Variants in MTUS2 observed in about 807,000 individuals in gnomAD.
The protein encoded by MTUS2 is microtubule-associated tumor suppressor candidate 2.
A neutral mutation model predicts 114.1 loss-of-function variants in MTUS2; 40 were observed. The observed-to-expected ratio is 0.35, with a 90% CI of 0.27 to 0.46. The LOEUF is 0.46. Ranked by LOEUF, MTUS2 falls within the 20% of genes least tolerant of loss-of-function variation. The probability of loss-of-function intolerance (pLI) is 1.00; values close to 1 mark genes in which losing one functional copy is unlikely to be tolerated. For synonymous variants in MTUS2, 688 were observed against 672.0 expected (o/e 1.02, Z -0.37); for missense variants, 1,679 against 1,705.4 (o/e 0.98, Z 0.27).
chr13:28,874,922 G>A (rs1877842532), intron 2 of MTUS2, among the ~76,000 whole-genome samples: 1 of 152,168 alleles, frequency 6.6e-6, no homozygotes, highest in Non-Finnish European at 1.5e-5. Flanking sequence ...ATTATCATGA[G>A]AGAAGTAGGA....
At position 29,503,101 on chromosome 13, in the gene MTUS2, T is replaced by C. The variant is rs1469201840; in HGVS notation, c.4005T>C (p.Thr1335=). ...TNEELLWKLQ[T]GDPTSPIKLS... ...AAGAGCTGCTTTGGAAGCTCCAAAC[T>C]GGGGACCCGACCAGTCCGATTAAAC... Residue 1335 remains threonine, a synonymous_variant, in exon 16 of 16, where the codon ACT becomes ACC. Coordinates refer to ENST00000612955, the MANE Select transcript of MTUS2 (RefSeq NM_001033602.4). 7 of 1,614,214 alleles carry C rather than the reference T, an allele frequency of 4.3e-6. No individual in the cohort carries two copies. The highest frequency in any genetic ancestry group is 5.9e-6 in the Non-Finnish European group (7 of 1,180,032).
chr13:28,887,479 C>T (rs1878661576), intron 2 of MTUS2, among the ~76,000 whole-genome samples: 1 of 152,158 alleles, frequency 6.6e-6, no homozygotes, highest in African/African-American at 2.4e-5. Flanking sequence ...TAGTGGAGAG[C>T]AGACATTCCA....
At chr13:29,206,237 T>C (rs1367545832) in intron 5 of MTUS2, among the ~76,000 whole-genome samples, 1 of 152,220 alleles carries the variant, frequency 6.6e-6, no homozygotes, top group Admixed American at 6.5e-5. Flanking sequence ...TTCATGTCTT[T>C]AGCCCACTCT....
intron 5 of MTUS2, among the ~76,000 whole-genome samples, chr13:29,184,768 A>G (rs1894152552): frequency 6.6e-6 from 1 of 152,194 alleles, no homozygotes; most frequent in African/African-American, 2.4e-5. Context: ...AACAGCAACA[A>G]CAAACCTTGG....
At chr13:29,368,178 T>A (rs934870979) in intron 8 of MTUS2, among the ~76,000 whole-genome samples, 1 of 151,898 alleles carries the variant, frequency 6.6e-6, no homozygotes, top group African/African-American at 2.4e-5. Context: ...GACCTCGTGA[T>A]CTGCCCACCT....
At chr13:29,090,544 G>C (rs191057058) in intron 4 of MTUS2, among the ~76,000 whole-genome samples, 3 of 152,332 alleles carry the variant, frequency 2.0e-5, no homozygotes, top group East Asian at 3.9e-4. Flanking sequence ...TTGCACACTG[G>C]TGGCAAAAAT....
intron 5 of MTUS2, among the ~76,000 whole-genome samples, chr13:29,170,158 A>AGTGTGAGAGGATCAG (rs1187422027): frequency 0.028 from 47 of 1,692 alleles, no homozygotes; most frequent in African/African-American, 0.066. Flanking sequence ...GAGAGGATCA[A>AGTGTGAGAGGATCAG]CTGATTTAGA....
intron 8 of MTUS2, among the ~76,000 whole-genome samples, chr13:29,406,457 T>C (rs1874760693): frequency 1.3e-5 from 2 of 152,244 alleles, no homozygotes; most frequent in South Asian, 4.1e-4. Context: ...GAGGCTTCAA[T>C]TCCTCACCAC....
intron 2 of MTUS2, among the ~76,000 whole-genome samples, chr13:28,944,924 C>T (rs572212473): frequency 1.6e-4 from 24 of 152,220 alleles, no homozygotes; most frequent in Non-Finnish European, 2.6e-4. Context: ...AACCATCACC[C>T]GAATAATGTA....
At chr13:28,981,991 T>A (rs527802017) in intron 2 of MTUS2, among the ~76,000 whole-genome samples, 1 of 152,300 alleles carries the variant, frequency 6.6e-6, no homozygotes, top group East Asian at 1.9e-4. Flanking sequence ...GGATTCGCCC[T>A]TGTTTCTTCG....
intron 6 of MTUS2, among the ~76,000 whole-genome samples, chr13:29,293,923 A>G (rs1445541323): frequency 6.6e-6 from 1 of 152,168 alleles, no homozygotes; most frequent in African/African-American, 2.4e-5. Context: ...TATCATTTAA[A>G]TAGCCAAGAG....
chr13:29,235,160 G>T (rs113942261), intron 5 of MTUS2, among the ~76,000 whole-genome samples: 1 of 151,936 alleles, frequency 6.6e-6, no homozygotes, highest in Admixed American at 6.6e-5. Flanking sequence ...GCAGTGGCAC[G>T]ATCTCAGCTC....
intron 6 of MTUS2, among the ~76,000 whole-genome samples, chr13:29,286,986 C>T (rs916777337): frequency 3.3e-5 from 5 of 152,220 alleles, no homozygotes; most frequent in African/African-American, 1.2e-4. Flanking sequence ...CCAAGCCATG[C>T]ACTCTTGATA....
chr13:29,224,378 T>TCGAAAAA (rs1278072177), intron 5 of MTUS2, among the ~76,000 whole-genome samples: 30 of 152,236 alleles, frequency 2.0e-4, no homozygotes, highest in Non-Finnish European at 3.7e-4. Flanking sequence ...ACGCTTTATT[T>TCGAAAAA]ATTTTCCATG....
At position 29,024,688 on chromosome 13, in the gene MTUS2, A is replaced by G. The variant is rs200242015; in HGVS notation, c.-11A>G. ...GACTGCATGGCAAGCAGCCCCACCA[A>G]AGGGTTGACAATGAGCGTCCCAGTG... On this transcript the variant is annotated 5_prime_UTR_variant, in exon 3 of 16. Transcript: ENST00000612955. 65 of 1,612,346 alleles carry G rather than the reference A, an allele frequency of 4.0e-5. No individual in the cohort carries two copies. Among genetic ancestry groups the G allele is most frequent in the Non-Finnish European group, 5.4e-5 (64 of 1,179,156 alleles).
chr13:29,145,433 T>A (rs1191607604), intron 5 of MTUS2, among the ~76,000 whole-genome samples: 1 of 152,078 alleles, frequency 6.6e-6, no homozygotes, highest in Non-Finnish European at 1.5e-5. Flanking sequence ...GGCAGGAGAA[T>A]TGCTCAAACC....
intron 2 of MTUS2, among the ~76,000 whole-genome samples, chr13:28,996,690 G>T (rs1885125676): frequency 1.3e-5 from 2 of 152,132 alleles, no homozygotes; most frequent in Non-Finnish European, 2.9e-5. Context: ...TTGCATAGAG[G>T]TGTTTATAGT....
chr13:29,125,674 TA>T (rs1891484479), intron 5 of MTUS2, among the ~76,000 whole-genome samples: 2 of 152,220 alleles, frequency 1.3e-5, no homozygotes, highest in South Asian at 4.1e-4. Context: ...TGAAAACTAA[TA>T]GCTTTACCTG....
At chr13:28,864,278 T>G (rs1877165752) in intron 2 of MTUS2, among the ~76,000 whole-genome samples, 1 of 152,230 alleles carries the variant, frequency 6.6e-6, no homozygotes, top group Admixed American at 6.5e-5. Flanking sequence ...ATGCTCATCA[T>G]AGCAAGTATG....
Sources: allele counts gnomAD v4.1 joint callset (sites outside exome capture counted in the v4.1 genomes callset), GRCh38; gene constraint gnomAD v4.1.1; transcripts MANE v1.5; gene names NCBI Gene and HGNC (gene_info 2026-07-23, HGNC 2026-07-21).